Variants in ZBTB16 observed in about 807,000 individuals in gnomAD.
The protein encoded by ZBTB16 is zinc finger and BTB domain containing 16.
ZBTB16 carries 8 observed loss-of-function variants against 56.8 expected under a neutral mutation model. The observed-to-expected ratio is 0.14, with a 90% CI of 0.08 to 0.25. The LOEUF (loss-of-function observed/expected upper bound fraction) is 0.25. Ranked by LOEUF, ZBTB16 falls within the 10% of genes least tolerant of loss-of-function variation. ZBTB16 has a pLI of 1.00. For missense variants in ZBTB16, 625 were observed against 903.0 expected (o/e 0.69, Z 3.95); for synonymous variants, 363 against 368.5 (o/e 0.98, Z 0.17).
intron 5 of ZBTB16, among the ~76,000 whole-genome samples, chr11:114,244,479 AC>A (rs1944776494): frequency 1.3e-5 from 2 of 152,090 alleles, no homozygotes; most frequent in South Asian, 4.1e-4. Flanking sequence ...TAATCAACAT[AC>A]CACAAATTGG....
intron 3 of ZBTB16, among the ~76,000 whole-genome samples, chr11:114,174,370 G>A (rs574815194): frequency 6.6e-6 from 1 of 151,000 alleles, no homozygotes; most frequent in East Asian, 2.0e-4. Context: ...AGAGAACTAA[G>A]CTTTTTAAAC....
chr11:114,174,312 G>GT (rs11417322), intron 3 of ZBTB16, among the ~76,000 whole-genome samples: 52,986 of 145,638 alleles, frequency 0.36, 9,670 homozygotes, highest in African/African-American at 0.47. Context: ...TCTGACTGAG[G>GT]TTTTTTTTTT....
At chr11:114,131,865 G>A (rs907053578) in intron 2 of ZBTB16, among the ~76,000 whole-genome samples, 5 of 152,124 alleles carry the variant, frequency 3.3e-5, no homozygotes, top group Admixed American at 6.5e-5. Context: ...AATCTGTCTG[G>A]TTTTGGTATG....
chr11:114,063,772 A>T lies in ZBTB16; in HGVS notation c.472A>T (p.Ile158Phe). 2 of 1,614,086 alleles carry T rather than the reference A, an allele frequency of 1.2e-6. No homozygotes were observed. Among genetic ancestry groups the T allele is most frequent in the Non-Finnish European group, 1.7e-6 (2 of 1,180,032 alleles). Residue 158 changes from isoleucine (I) to phenylalanine (F), a missense_variant, in exon 2 of 7, where the codon ATC becomes TTC. Ile to Phe is a conservative substitution (Grantham distance 21). Around this residue, in one of 6 missense-constraint regions of ZBTB16, gnomAD observed 384 missense variants for 393.5 expected, o/e 0.98. Coordinates refer to ENST00000335953, the MANE Select transcript of ZBTB16 (RefSeq NM_006006.6). This position sits in a 1 kb window ranked among gnomAD's most constrained non-coding sequence, Gnocchi z 6.5. ...GGCTCGGTACCTCAAGAACATCTTC[A>T]TCTCGAAGCATTCCAGCGAGGAGAG... ...RKARYLKNIF[I>F]SKHSSEESGY...
intron 2 of ZBTB16, among the ~76,000 whole-genome samples, chr11:114,147,958 T>C (rs1376703033): frequency 6.6e-6 from 1 of 152,322 alleles, no homozygotes; most frequent in East Asian, 1.9e-4. Flanking sequence ...AATGAAAAAC[T>C]TTTGTTCTTG....
intron 2 of ZBTB16, among the ~76,000 whole-genome samples, chr11:114,065,352 G>A (rs1404186720): frequency 6.6e-6 from 1 of 152,048 alleles, no homozygotes; most frequent in Non-Finnish European, 1.5e-5. Context: ...GACATGTTTG[G>A]TTCAGTACTA....
At chr11:114,145,120 T>C (rs376617782) in intron 2 of ZBTB16, among the ~76,000 whole-genome samples, 20 of 152,378 alleles carry the variant, frequency 1.3e-4, no homozygotes, top group Non-Finnish European at 8.8e-5. Flanking sequence ...TATCCCCTTT[T>C]TGGGGGGCTT....
rs1458961800 is a variant in ZBTB16 at position 114,205,547 on chromosome 11, C to T, written c.1453+18509C>T. 3.3e-5 allele frequency among the ~76,000 whole-genome samples: 5 copies of T among 152,262 alleles called. 1 individual carries two copies. The highest frequency in any genetic ancestry group is 9.6e-5 in the African/African-American group (4 of 41,544). ...TTACAGATTGGAAATGACTTTGTCTCTTAAGTGTGCATTGTCAGATGGGAC... is the reference window on the plus strand; with the variant it reads ...TTACAGATTGGAAATGACTTTGTCTTTTAAGTGTGCATTGTCAGATGGGAC... On this transcript the variant is annotated intron_variant, in intron 4 of 6. Transcript: ENST00000335953.
intron 2 of ZBTB16, among the ~76,000 whole-genome samples, chr11:114,076,984 A>G (rs1939592570): frequency 2.0e-5 from 3 of 152,186 alleles, no homozygotes; most frequent in Admixed American, 2.0e-4. Context: ...GGGGGAGAAT[A>G]GGCCAAACCT....
intron 3 of ZBTB16, among the ~76,000 whole-genome samples, chr11:114,167,234 T>TG (rs1565663168): frequency 0.046 from 4,174 of 91,572 alleles, 212 homozygotes; most frequent in East Asian, 0.11. Flanking sequence ...TTTTTTTGGT[T>TG]TTTTTTTTTT....
intron 2 of ZBTB16, among the ~76,000 whole-genome samples, chr11:114,104,923 G>C (rs1374248271): frequency 6.6e-6 from 1 of 152,166 alleles, no homozygotes; most frequent in East Asian, 1.9e-4. Context: ...GGCATCAGAA[G>C]GGGAGTGTGT....
chr11:114,061,753 A>G (rs548651831), intron 1 of ZBTB16, among the ~76,000 whole-genome samples: 18 of 152,214 alleles, frequency 1.2e-4, no homozygotes, highest in Non-Finnish European at 2.2e-4. Context: ...GCTCTGGGAG[A>G]GGCCTTTGTT....
At chr11:114,114,281 G>A (rs903414668) in intron 2 of ZBTB16, among the ~76,000 whole-genome samples, 1 of 152,246 alleles carries the variant, frequency 6.6e-6, no homozygotes, top group African/African-American at 2.4e-5. Flanking sequence ...AAATTTACAA[G>A]CGATGTTACT....
At chr11:114,182,533 C>T (rs1221099296) in intron 3 of ZBTB16, among the ~76,000 whole-genome samples, 1 of 152,108 alleles carries the variant, frequency 6.6e-6, no homozygotes, top group Non-Finnish European at 1.5e-5. Context: ...CATTCAAAAA[C>T]CAGCCCCCGT....
intron 4 of ZBTB16, among the ~76,000 whole-genome samples, chr11:114,213,604 G>C (rs536849000): frequency 1.3e-5 from 2 of 152,246 alleles, no homozygotes; most frequent in Non-Finnish European, 2.9e-5. Context: ...ACCTCAGACT[G>C]TGTTATTTGG....
At chr11:114,093,436 C>T (rs1940266929) in intron 2 of ZBTB16, among the ~76,000 whole-genome samples, 1 of 152,110 alleles carries the variant, frequency 6.6e-6, no homozygotes, top group African/African-American at 2.4e-5. Context: ...TACACTCAGC[C>T]CTGCTGCTGC....
At chr11:114,090,460 C>G (rs960597101) in intron 2 of ZBTB16, among the ~76,000 whole-genome samples, 5 of 152,216 alleles carry the variant, frequency 3.3e-5, no homozygotes, top group Non-Finnish European at 7.3e-5. Context: ...GTAGGGATGC[C>G]TGGCCTAGCC....
At chr11:114,198,587 AT>A (rs1248403481) in intron 4 of ZBTB16, among the ~76,000 whole-genome samples, 2 of 152,234 alleles carry the variant, frequency 1.3e-5, no homozygotes, top group Admixed American at 6.5e-5. Flanking sequence ...AATAAATTTC[AT>A]TTTTTTAAGA....
rs75044925 is a variant in ZBTB16 at position 114,062,535 on chromosome 11, T to C, written c.-90-676T>C. On this transcript the variant is annotated intron_variant, in intron 1 of 6. Transcript: ENST00000335953. ...TTAGTGTGTGGGTTGTGTGTGTTCC[T>C]GTTAGTACCTAGGGATGGGGACAGG... Among the ~76,000 whole-genome samples the C allele has an allele frequency of 6.6e-4, 101 of 152,340 alleles. 2 individuals carry two copies. The East Asian group carries it at 0.019, about 28-fold the overall frequency.
Sources: gnomAD v4.1 joint callset for allele counts (sites outside exome capture counted in the v4.1 genomes callset) on GRCh38, gnomAD v4.1.1 for gene constraint, gnomAD v4.1.1 regional missense constraint, Gnocchi (gnomAD v3.1) non-coding constraint, MANE v1.5 for transcripts, NCBI Gene and HGNC (gene_info 2026-07-23, HGNC 2026-07-21) for gene names.